IL16: variants seen among roughly 807,000 people sequenced by gnomAD.
IL16 encodes the protein interleukin 16, also known as pro-interleukin-16.
IL16 carries 67 observed loss-of-function variants against 110.1 expected under a neutral mutation model. That is an observed-to-expected ratio of 0.61 (90% CI 0.50 to 0.75). The LOEUF is 0.75. Ranked by LOEUF, IL16 falls within the 30% of genes least tolerant of loss-of-function variation. The pLI is 0.00. For synonymous variants in IL16, 689 were observed against 662.9 expected (o/e 1.04, Z -0.61); for missense variants, 1,545 against 1,655.0 (o/e 0.93, Z 1.15).
rs1292030441 is a variant in IL16 at position 81,279,685 on chromosome 15, G to A, written c.992G>A (p.Ser331Asn). Residue 331 changes from serine (S) to asparagine (N), a missense_variant, in exon 8 of 19, where the codon AGC becomes AAC. Around this residue, in one of 3 missense-constraint regions of IL16, gnomAD observed 1,185 missense variants for 1,238.8 expected, o/e 0.96. Transcript: ENST00000683961. Reference sequence around the variant, plus strand: ...TCCAGCACTTGTATCACCAAGGACAGCAGCTCCTTCGCCTTGGAAAGCCCC... The same window carrying A: ...TCCAGCACTTGTATCACCAAGGACAACAGCTCCTTCGCCTTGGAAAGCCCC... ...LSSSTCITKDSSSFALESPSA... is the reference protein window; with the variant it reads ...LSSSTCITKDNSSFALESPSA... 6.2e-7 allele frequency: 1 copy of A among 1,614,124 alleles called. No homozygotes were observed. The highest frequency in any genetic ancestry group is 8.5e-7 in the Non-Finnish European group (1 of 1,180,038).
At chr15:81,263,740 G>C (rs1482844885) in intron 3 of IL16, among the ~76,000 whole-genome samples, 1 of 152,176 alleles carries the variant, frequency 6.6e-6, no homozygotes, top group Admixed American at 6.5e-5. Flanking sequence ...CAGCCTGTTT[G>C]TTCATCCTCA....
At chr15:81,195,547 C>T (rs1264738374), upstream of IL16, among the ~76,000 whole-genome samples, 1 of 152,174 alleles carries the variant, frequency 6.6e-6, no homozygotes, top group African/African-American at 2.4e-5. Context: ...AGCTTTATCC[C>T]CAGAGTGCTC....
intron 2 of IL16, among the ~76,000 whole-genome samples, chr15:81,251,440 A>T (rs995726456): frequency 3.3e-5 from 5 of 152,198 alleles, no homozygotes; most frequent in Non-Finnish European, 7.3e-5. Context: ...TTTATTTAGC[A>T]GAAGGATCCA....
intron 10 of IL16, among the ~76,000 whole-genome samples, chr15:81,287,367 G>C (rs549907144): frequency 1.3e-5 from 2 of 152,318 alleles, no homozygotes; most frequent in South Asian, 4.1e-4. Context: ...TGCCCAGTAG[G>C]CAAGTTAGAC....
rs927837158 is a variant in IL16, at chr15:81,203,081, A to G, written c.-102+5929A>G. 4.8e-3 allele frequency among the ~76,000 whole-genome samples: 731 copies of G among 152,140 alleles called. 4 individuals carry two copies. Among genetic ancestry groups the G allele is most frequent in the Non-Finnish European group, 8.0e-3 (545 of 68,026 alleles). ...TGCATTTCTCTGATGGCCAGTGATG[A>G]TGAGCACTTTTTCATGTGTCTGTTG... On this transcript the variant is annotated intron_variant, in intron 1 of 18. Coordinates refer to ENST00000683961, the MANE Select transcript of IL16 (RefSeq NM_172217.5).
intron 2 of IL16, among the ~76,000 whole-genome samples, chr15:81,249,084 A>G (rs1897676203): frequency 6.6e-6 from 1 of 152,182 alleles, no homozygotes; most frequent in Non-Finnish European, 1.5e-5. Context: ...AGGTTTTCAA[A>G]GTGCAAAAGT....
chr15:81,253,564 T>C (rs867462169), intron 2 of IL16, among the ~76,000 whole-genome samples: 5 of 152,216 alleles, frequency 3.3e-5, no homozygotes, highest in Non-Finnish European at 7.3e-5. Context: ...TTTACTCCTA[T>C]ATTTTCTTTA....
chr15:81,306,273 G>A (rs756607103), intron 17 of IL16, 107 bp downstream of exon 17: 85 of 1,523,030 alleles, frequency 5.6e-5, no homozygotes, highest in Non-Finnish European at 7.4e-5. Context: ...AAGAATGTGT[G>A]GCTGCCTAGT....
At chr15:81,306,364 C>T (rs1157037455) in intron 17 of IL16, 56 bp from the exon 18 acceptor site, 2 of 1,602,538 alleles carry the variant, frequency 1.2e-6, no homozygotes, top group Non-Finnish European at 1.7e-6. Context: ...AAGCCCAGGG[C>T]ATCTGTGGCC....
chr15:81,277,909 G>A (rs1048575797), intron 6 of IL16, among the ~76,000 whole-genome samples: 1 of 152,136 alleles, frequency 6.6e-6, no homozygotes, highest in African/African-American at 2.4e-5. Flanking sequence ...TGAACAAATT[G>A]AAAGAAAGGG....
Position 81,259,898 on chromosome 15 carries a change from A to T in IL16, c.421+18A>T, listed in dbSNP as rs779772622. The T allele has an allele frequency of 2.7e-6, 4 of 1,456,838 alleles. No individual in the cohort carries two copies. The highest frequency in any genetic ancestry group is 3.9e-6 in the Non-Finnish European group (4 of 1,036,454). 90.2% of individuals were successfully genotyped at this position (1,456,838 alleles called of 1,614,324 possible). On this transcript the variant is annotated intron_variant, in intron 3 of 18. Coordinates refer to ENST00000683961, the MANE Select transcript of IL16 (RefSeq NM_172217.5). ...CTCAACCAGTAAGTGTCTTCCCAACATGTCTTCAGGAACAGAGCTCAGCTG... is the reference window on the plus strand; with the variant it reads ...CTCAACCAGTAAGTGTCTTCCCAACTTGTCTTCAGGAACAGAGCTCAGCTG...
intron 1 of IL16, among the ~76,000 whole-genome samples, chr15:81,184,327 G>C (rs1317978387): frequency 6.6e-6 from 1 of 152,224 alleles, no homozygotes; most frequent in Non-Finnish European, 1.5e-5. Flanking sequence ...CGCATAGGAA[G>C]TTCATTGGTG....
At chr15:81,193,672 A>G (rs1373224880), upstream of IL16, among the ~76,000 whole-genome samples, 2 of 152,134 alleles carry the variant, frequency 1.3e-5, no homozygotes, top group African/African-American at 4.8e-5. Context: ...TGGGCCAGGG[A>G]AAGAGGGGAA....
At chr15:81,279,841 CT>C (rs1899092050) in intron 8 of IL16, 67 bp downstream of exon 8, 4 of 1,387,980 alleles carry the variant, frequency 2.9e-6, no homozygotes, top group Non-Finnish European at 4.1e-6. Flanking sequence ...CCAGGCTTTC[CT>C]CACTTGGAAT....
In IL16 at chr15:81,300,133, C is replaced by A. The variant is rs770005887; in HGVS notation, c.2807C>A (p.Pro936His). 2.5e-6 allele frequency: 4 copies of A among 1,607,252 alleles called. No homozygotes were observed. The highest frequency in any genetic ancestry group is 1.7e-4 in the Middle Eastern group (1 of 6,022). The change falls in exon 14 of 19, where the codon CCT becomes CAT. Residue 936 changes from proline to histidine, a missense_variant. Pro to His is a moderately conservative substitution (Grantham distance 77). Around this residue, in one of 3 missense-constraint regions of IL16, gnomAD observed 1,185 missense variants for 1,238.8 expected, o/e 0.96. Transcript: ENST00000683961. ...GRQPNQKTLP[P>H]GPDPLLRLLS... ...CAGCCCAATCAGAAAACTCTCCCCC[C>A]TGGCCCGGACCCGCTCCTAAGGCTG...
rs965529504 is a variant in IL16, at chr15:81,312,772, A to G, written c.*3974A>G. The G allele has an allele frequency of 2.6e-5, 4 of 152,414 alleles. No individual in the cohort carries two copies. The highest frequency in any genetic ancestry group is 9.6e-5 in the African/African-American group (4 of 41,470). The allele number at this position is 152,414 out of a possible 1,614,324, so 9.4% of individuals were successfully genotyped here. A position where few individuals can be genotyped will look rare whatever the true frequency, so the allele number is the denominator to read the frequency against. On this transcript the variant is annotated 3_prime_UTR_variant, in exon 19 of 19. Coordinates refer to ENST00000683961, the MANE Select transcript of IL16 (RefSeq NM_172217.5). ...GGCATTAAAGCCATATACAAGGTCTATATCAGAAAAATATATTTGGGGGGC... is the reference window on the plus strand; with the variant it reads ...GGCATTAAAGCCATATACAAGGTCTGTATCAGAAAAATATATTTGGGGGGC...
Position 81,225,435 on chromosome 15 carries a change from A to C in IL16, c.36A>C (p.Lys12Asn). The C allele has an allele frequency of 6.2e-7, 1 of 1,614,166 alleles. No homozygotes were observed. Among genetic ancestry groups the C allele is most frequent in the Non-Finnish European group, 8.5e-7 (1 of 1,180,012 alleles). The part of the protein sequence containing the change: ...ESHSRAGKSR[K>N]SAKFRSISRS... ...ACAGCCGCGCTGGAAAGAGCAGAAAATCTGCAAAATTTCGGTCCATCTCCA... is the reference window on the plus strand; with the variant it reads ...ACAGCCGCGCTGGAAAGAGCAGAAACTCTGCAAAATTTCGGTCCATCTCCA... Residue 12 changes from lysine (K) to asparagine (N), a missense_variant, in exon 2 of 19, where the codon AAA (lysine) becomes AAC (asparagine). This residue lies in a region of IL16 where 1,185 missense variants were observed against 1,238.8 expected (regional missense o/e 0.96). Coordinates refer to ENST00000683961, the MANE Select transcript of IL16 (RefSeq NM_172217.5).
intron 2 of IL16, among the ~76,000 whole-genome samples, chr15:81,226,591 GCT>G (rs1896795541): frequency 6.6e-6 from 1 of 152,202 alleles, no homozygotes; most frequent in African/African-American, 2.4e-5. Flanking sequence ...CCTCTGTACA[GCT>G]TGCCTTCTTC....
chr15:81,275,359 AGGG>A (rs796741900), intron 6 of IL16, among the ~76,000 whole-genome samples: 1 of 9,834 alleles, frequency 1.0e-4, no homozygotes, highest in Non-Finnish European at 1.9e-4. Context: ...ACGGGGGAGG[AGGG>A]GGGGGAGGGG....
Sources: allele counts gnomAD v4.1 joint callset (sites outside exome capture counted in the v4.1 genomes callset), GRCh38; gene constraint gnomAD v4.1.1; regional missense constraint gnomAD v4.1.1; transcripts MANE v1.5; gene names NCBI Gene and HGNC (gene_info 2026-07-23, HGNC 2026-07-21).